Variants in IFT140 observed in about 807,000 individuals in gnomAD.
IFT140 encodes intraflagellar transport protein 140 homolog.
A neutral mutation model predicts 164.6 loss-of-function variants in IFT140; 133 were observed. The ratio of observed to expected loss-of-function variants is 0.81; its 90% CI spans 0.70 to 0.93. The LOEUF (loss-of-function observed/expected upper bound fraction) is 0.93, where lower values mean the gene tolerates loss of function less well. Ranked by LOEUF, IFT140 falls within the 40% of genes least tolerant of loss-of-function variation. The pLI, the probability that IFT140 is intolerant of heterozygous loss-of-function variation, is 0.00. For synonymous variants in IFT140, 860 were observed against 817.3 expected (o/e 1.05, Z -0.89); for missense variants, 2,045 against 1,972.3 (o/e 1.04, Z -0.70).
chr16:1,589,493 T>C (rs2035064026), intron 7 of IFT140, 112 bp downstream of exon 7: 2 of 1,095,176 alleles, frequency 1.8e-6, no homozygotes, highest in African/African-American at 1.6e-5. Context: ...CTAACTCAGT[T>C]GATAGGCTTT....
chr16:1,603,410 C>A (rs2035892156), intron 3 of IFT140, among the ~76,000 whole-genome samples: 1 of 152,106 alleles, frequency 6.6e-6, no homozygotes, highest in Non-Finnish European at 1.5e-5. Context: ...CACGCGTCTA[C>A]AGTGGAGCTT....
intron 19 of IFT140, among the ~76,000 whole-genome samples, chr16:1,536,016 C>A (rs948454325): frequency 6.6e-6 from 1 of 152,364 alleles, no homozygotes; most frequent in East Asian, 1.9e-4. Context: ...GCGGGGGCAG[C>A]GGCTTTAGGC....
chr16:1,538,203 G>A (rs2031271183), intron 19 of IFT140, among the ~76,000 whole-genome samples: 1 of 152,214 alleles, frequency 6.6e-6, no homozygotes, highest in South Asian at 2.1e-4. Flanking sequence ...GTGCCCTTGT[G>A]GTGAGCCATG....
At position 1,566,218 on chromosome 16, in the gene IFT140, T is replaced by G. The variant is rs758175712; in HGVS notation, c.1844A>C (p.Lys615Thr). The G allele has an allele frequency of 1.9e-6, 3 of 1,613,848 alleles. No homozygotes were observed. The highest frequency in any genetic ancestry group is 4.5e-5 in the East Asian group (2 of 44,896). The change falls in exon 16 of 31, where the codon AAG becomes ACG. Residue 615 changes from lysine to threonine, a missense_variant. Lys to Thr is a moderately conservative substitution (Grantham distance 78, BLOSUM62 -1). Transcript: ENST00000426508. ...CTCTCTCCGATCAATTTGTCCAGTCTTGAAGTCAAAGACGGTCACTGTGTC... is the reference window on the plus strand; with the variant it reads ...CTCTCTCCGATCAATTTGTCCAGTCGTGAAGTCAAAGACGGTCACTGTGTC... ...EMDTVTVFDF[K>T]TGQIDRRETL...
At chr16:1,607,793 A>G (rs1472378579) in intron 2 of IFT140, among the ~76,000 whole-genome samples, 2 of 152,182 alleles carry the variant, frequency 1.3e-5, no homozygotes, top group African/African-American at 4.8e-5. Flanking sequence ...ACAGACATGC[A>G]CTACCATGCC....
intron 17 of IFT140, among the ~76,000 whole-genome samples, chr16:1,562,592 T>C (rs1220128637): frequency 6.6e-6 from 1 of 152,096 alleles, no homozygotes; most frequent in East Asian, 1.9e-4. Context: ...GCCAACGTGA[T>C]GAAACCCCGT....
chr16:1,525,508 A>G (rs991309794), intron 21 of IFT140, among the ~76,000 whole-genome samples, 182 bp from the exon 22 acceptor site: 14 of 152,162 alleles, frequency 9.2e-5, no homozygotes, highest in Admixed American at 6.5e-5. Context: ...GGCTTCCTGC[A>G]CTGTGGGGGC....
chr16:1,525,207 A>T, intron 22 of IFT140, 24 bp downstream of exon 22: 1 of 1,563,524 alleles, frequency 6.4e-7, no homozygotes, highest in Non-Finnish European at 8.8e-7. Flanking sequence ...GTGCGGTCCC[A>T]CCAGCCCTGG....
At chr16:1,511,416 C>T (rs558397325) in intron 30 of IFT140, among the ~76,000 whole-genome samples, 1 of 152,188 alleles carries the variant, frequency 6.6e-6, no homozygotes, top group Non-Finnish European at 1.5e-5. Flanking sequence ...AGAGCCAGGG[C>T]CCTGGAAAGT....
chr16:1,611,490 CAAAAAAAAAAA>C (rs150781872), intron 1 of IFT140, among the ~76,000 whole-genome samples: 4 of 86,824 alleles, frequency 4.6e-5, no homozygotes, highest in African/African-American at 8.6e-5. Context: ...CAGAGCGAGT[CAAAAAAAAAAA>C]AAAAGAAAAG....
intron 18 of IFT140, among the ~76,000 whole-genome samples, chr16:1,560,456 C>T (rs2033343138): frequency 6.6e-6 from 1 of 152,248 alleles, no homozygotes; most frequent in Non-Finnish European, 1.5e-5. Flanking sequence ...CCAGCACACA[C>T]CTGGTCACGT....
In IFT140 at chr16:1,564,324, A is replaced by C. The variant is rs562041733; in HGVS notation, c.1902-162T>G. 1.8e-4 allele frequency among the ~76,000 whole-genome samples: 27 copies of C among 152,264 alleles called. No homozygotes were observed. The South Asian group carries it at 5.4e-3, about 30-fold the overall frequency. ...TTGGGGTCTCACTGCCATGCGCCCTACTGGAACATGTTCTCAGATTTTAAC... is the reference window on the plus strand; with the variant it reads ...TTGGGGTCTCACTGCCATGCGCCCTCCTGGAACATGTTCTCAGATTTTAAC... On this transcript the variant is annotated intron_variant, in intron 16 of 30. Coordinates refer to ENST00000426508, the MANE Select transcript of IFT140 (RefSeq NM_014714.4). This position sits in a 1 kb window ranked among gnomAD's most constrained non-coding sequence, Gnocchi z 5.5.
intron 19 of IFT140, among the ~76,000 whole-genome samples, chr16:1,552,487 G>A (rs1483225389): frequency 1.3e-5 from 2 of 152,082 alleles, no homozygotes; most frequent in East Asian, 1.9e-4. Flanking sequence ...ATGAGTGGAC[G>A]CTGTTCAAAG....
At chr16:1,512,181 C>A (rs2040184929) in intron 30 of IFT140, among the ~76,000 whole-genome samples, 1 of 41,962 alleles carries the variant, frequency 2.4e-5, no homozygotes, top group African/African-American at 1.2e-4. Flanking sequence ...GGATGGGGGG[C>A]AGGACAGGCG....
chr16:1,543,611 C>T (rs906862499), intron 19 of IFT140, among the ~76,000 whole-genome samples: 2 of 152,176 alleles, frequency 1.3e-5, no homozygotes, highest in Admixed American at 1.3e-4. Flanking sequence ...TGCCCAACTT[C>T]GAAAAGGGTA....
intron 5 of IFT140, 69 bp downstream of exon 5, chr16:1,592,398 G>C: frequency 1.2e-6 from 2 of 1,610,816 alleles, no homozygotes; most frequent in South Asian, 1.1e-5. Context: ...CCTGGGTCAG[G>C]AGCAGCCCGC....
intron 3 of IFT140, among the ~76,000 whole-genome samples, chr16:1,606,318 TG>T (rs1386588277): frequency 6.6e-6 from 1 of 152,254 alleles, no homozygotes; most frequent in Non-Finnish European, 1.5e-5. Context: ...GAACTGATAG[TG>T]GCTTAATGCT....
chr16:1,584,679 G>A (rs2034775291), intron 10 of IFT140, among the ~76,000 whole-genome samples: 1 of 152,150 alleles, frequency 6.6e-6, no homozygotes, highest in Admixed American at 6.5e-5. Context: ...TGTTCTGATG[G>A]GAAGAGCGTT....
chr16:1,521,478 T>C (rs2040524745), intron 26 of IFT140, among the ~76,000 whole-genome samples: 1 of 152,098 alleles, frequency 6.6e-6, no homozygotes, highest in African/African-American at 2.4e-5. Flanking sequence ...AACCTCCACC[T>C]CCCGGGTTCA....
Sources: gnomAD v4.1 joint callset for allele counts (sites outside exome capture counted in the v4.1 genomes callset) on GRCh38, gnomAD v4.1.1 for gene constraint, Gnocchi (gnomAD v3.1) non-coding constraint, MANE v1.5 for transcripts, NCBI Gene and HGNC (gene_info 2026-07-23, HGNC 2026-07-21) for gene names.